The following PLSCR2 variants were observed in gnomAD, a reference collection of about 807,000 sequenced individuals.
PLSCR2 encodes phospholipid scramblase 2.
Under a neutral mutation model 25.3 loss-of-function variants are expected in PLSCR2, and 18 were observed. The observed-to-expected ratio is 0.71, with a 90% confidence interval of 0.49 to 1.06. PLSCR2 has a LOEUF of 1.06. Among genes scored for constraint, PLSCR2 ranks in the 50% least tolerant of loss-of-function variants. The probability of loss-of-function intolerance (pLI) is 0.00; values close to 1 mark genes in which losing one functional copy is unlikely to be tolerated. For missense variants in PLSCR2, 243 were observed against 269.5 expected (o/e 0.90, Z 0.69); for synonymous variants, 88 against 87.3 (o/e 1.01, Z -0.04).
At chr3:146,414,515 G>A (rs558018498) in intron 2 of PLSCR2, among the ~76,000 whole-genome samples, 1 of 152,098 alleles carries the variant, frequency 6.6e-6, no homozygotes, top group South Asian at 2.1e-4. Context: ...TGCCAAAACG[G>A]AAGAGCTTTC....
At chr3:146,412,242 C>T (rs1050317616) in intron 2 of PLSCR2, among the ~76,000 whole-genome samples, 8 of 152,144 alleles carry the variant, frequency 5.3e-5, no homozygotes, top group Non-Finnish European at 7.4e-5. Context: ...AGAGACCCTA[C>T]AGTAATGTGG....
At chr3:146,441,639 C>T (rs936926460), downstream of PLSCR2, 1 of 559,648 alleles carries the variant, frequency 1.8e-6, no homozygotes, top group Non-Finnish European at 3.2e-6. Context: ...GAGCTACAAG[C>T]ATCATAGCTT....
At chr3:146,473,343 C>T (rs1257610722) in intron 1 of PLSCR2, among the ~76,000 whole-genome samples, 6 of 136,360 alleles carry the variant, frequency 4.4e-5, no homozygotes, top group African/African-American at 1.1e-4. Flanking sequence ...CTTGCTCTGT[C>T]GCCCAGGCTG....
intron 5 of PLSCR2, among the ~76,000 whole-genome samples, chr3:146,449,704 C>A (rs73865721): frequency 2.6e-5 from 4 of 151,980 alleles, no homozygotes; most frequent in Non-Finnish European, 2.9e-5. Context: ...TGAAGTATTT[C>A]TTTGATATAA....
At chr3:146,491,186 T>C (rs1033671356) in intron 1 of PLSCR2, among the ~76,000 whole-genome samples, 4 of 152,126 alleles carry the variant, frequency 2.6e-5, no homozygotes, top group African/African-American at 7.2e-5. Flanking sequence ...CAATCTCTTC[T>C]GGCTTGTGTG....
At chr3:146,403,159 C>CAT in intron 2 of PLSCR2, among the ~76,000 whole-genome samples, 1 of 151,920 alleles carries the variant, frequency 6.6e-6, no homozygotes, top group South Asian at 2.1e-4. Flanking sequence ...CACACACACA[C>CAT]ACACATGCAC....
chr3:146,426,159 TCCC>T (rs1386511175), intron 2 of PLSCR2, among the ~76,000 whole-genome samples: 6 of 150,924 alleles, frequency 4.0e-5, no homozygotes, highest in Admixed American at 3.3e-4. Context: ...CCTCTCTGTT[TCCC>T]CCCTTTATTT....
intron 2 of PLSCR2, among the ~76,000 whole-genome samples, chr3:146,413,332 C>CT (rs1334499218): frequency 2.6e-5 from 4 of 152,122 alleles, no homozygotes; most frequent in Non-Finnish European, 5.9e-5. Context: ...GTTTGTTCTC[C>CT]TAAACATACC....
At chr3:146,393,185 C>T (rs966271225) in intron 3 of PLSCR2, among the ~76,000 whole-genome samples, 37 of 119,442 alleles carry the variant, frequency 3.1e-4, no homozygotes, top group African/African-American at 8.3e-4. Context: ...CCCACCACCA[C>T]GCCCAACTAA....
At chr3:146,428,816 T>C (rs2039443668), downstream of PLSCR2, among the ~76,000 whole-genome samples, 1 of 152,226 alleles carries the variant, frequency 6.6e-6, no homozygotes, top group African/African-American at 2.4e-5. Context: ...GGATAATCAA[T>C]ATTCATCATG....
At chr3:146,459,926 A>G (rs1186186780) in exon 2 of PLSCR2, 3 of 1,613,860 alleles carry the variant, frequency 1.9e-6, no homozygotes, top group Admixed American at 1.7e-5. Context: ...CTTCAGGTCT[A>G]CCTGGCTGAT....
At chr3:146,443,951 T>C (rs1177666814) in intron 6 of PLSCR2, among the ~76,000 whole-genome samples, 1 of 152,014 alleles carries the variant, frequency 6.6e-6, no homozygotes, top group Non-Finnish European at 1.5e-5. Flanking sequence ...GCTTTTGGTA[T>C]GTTCTGTTTC....
intron 2 of PLSCR2, among the ~76,000 whole-genome samples, chr3:146,415,594 A>C (rs1034586012): frequency 1.5e-4 from 23 of 152,152 alleles, no homozygotes; most frequent in Non-Finnish European, 2.6e-4. Flanking sequence ...ATAATTAAGC[A>C]TTGAAAATGT....
chr3:146,443,804 G>T (rs1576639218), intron 6 of PLSCR2, among the ~76,000 whole-genome samples: 1 of 151,294 alleles, frequency 6.6e-6, no homozygotes, highest in East Asian at 1.9e-4. Flanking sequence ...AACTAATTTT[G>T]AGTTCAATTT....
At chr3:146,437,255 T>C (rs1353734364), downstream of PLSCR2, among the ~76,000 whole-genome samples, 2 of 152,190 alleles carry the variant, frequency 1.3e-5, no homozygotes, top group African/African-American at 4.8e-5. Flanking sequence ...GTTGTGTCTC[T>C]GCCAGGCTTT....
downstream of PLSCR2, among the ~76,000 whole-genome samples, chr3:146,438,137 G>A (rs188109094): frequency 6.6e-6 from 1 of 152,102 alleles, no homozygotes; most frequent in East Asian, 1.9e-4. Context: ...TGGTCTGAGA[G>A]ACAGTTTTTT....
chr3:146,409,352 C>A (rs2038767890), intron 2 of PLSCR2, among the ~76,000 whole-genome samples: 1 of 151,962 alleles, frequency 6.6e-6, no homozygotes, highest in South Asian at 2.1e-4. Flanking sequence ...GAGGGAGACT[C>A]TTCTCGTCTT....
chr3:146,451,225 T>G (rs1560014831), intron 5 of PLSCR2, among the ~76,000 whole-genome samples: 1 of 151,448 alleles, frequency 6.6e-6, no homozygotes, highest in Non-Finnish European at 1.5e-5. Flanking sequence ...AGGGATTCTC[T>G]TGCCTTAGCT....
chr3:146,409,353 TTCTCG>T (rs1343908062), intron 2 of PLSCR2, among the ~76,000 whole-genome samples: 2 of 152,036 alleles, frequency 1.3e-5, no homozygotes, highest in Non-Finnish European at 2.9e-5. Flanking sequence ...AGGGAGACTC[TTCTCG>T]TCTTCAGAGG....
Sources: allele counts gnomAD v4.1 joint callset (sites outside exome capture counted in the v4.1 genomes callset), GRCh38; gene constraint gnomAD v4.1.1; transcripts MANE v1.5; gene names NCBI Gene and HGNC (gene_info 2026-07-23, HGNC 2026-07-21).